The following COL4A5 variants were observed in gnomAD, a reference collection of about 807,000 sequenced individuals.
COL4A5 encodes the protein collagen type IV alpha 5 chain, also known as collagen alpha-5(IV) chain.
In COL4A5, 26 loss-of-function variants were observed where a neutral mutation model predicts 130.2. The observed-to-expected ratio is 0.20, with a 90% CI of 0.15 to 0.28. The LOEUF (loss-of-function observed/expected upper bound fraction) is 0.28. COL4A5 is among the 10% of genes least tolerant of loss of function. The probability of loss-of-function intolerance (pLI) is 1.00; values close to 1 mark genes in which losing one functional copy is unlikely to be tolerated. For missense variants in COL4A5, 1,131 were observed against 1,344.3 expected, an observed-to-expected ratio of 0.84 and a Z score of 2.48; for synonymous variants, 496 against 439.6, an observed-to-expected ratio of 1.13 and a Z score of -1.60.
intron 19 of COL4A5, among the ~76,000 whole-genome samples, chrX:108,587,453 C>A (rs1375677961): frequency 9.0e-6 from 1 of 111,650 alleles, no homozygotes. Context: ...GATAGAACTC[C>A]GTTCTTTTAT....
At chrX:108,594,803 T>G (rs2066488091) in intron 21 of COL4A5, among the ~76,000 whole-genome samples, 1 of 110,286 alleles carries the variant, frequency 9.1e-6, no homozygotes, top group Admixed American at 9.8e-5. Context: ...ATACCACTTA[T>G]GTAGTTCTAT....
intron 2 of COL4A5, among the ~76,000 whole-genome samples, chrX:108,552,546 A>C (rs903320200): frequency 8.9e-6 from 1 of 112,374 alleles, no homozygotes; most frequent in Non-Finnish European, 1.9e-5. Flanking sequence ...AAATAACAAC[A>C]AAAATTTGAG....
At chrX:108,587,832 T>G (rs1331818173) in intron 19 of COL4A5, among the ~76,000 whole-genome samples, 1 of 111,246 alleles carries the variant, frequency 9.0e-6, no homozygotes, top group Admixed American at 9.6e-5. Context: ...TATATTTTAT[T>G]ATTAATAAAT....
chrX:108,593,655 T>C (rs769173215), intron 21 of COL4A5, among the ~76,000 whole-genome samples: 1 of 111,639 alleles, frequency 9.0e-6, no homozygotes, highest in Non-Finnish European at 1.9e-5. Flanking sequence ...CTCAGTACTA[T>C]AGAACAAAAG....
chrX:108,579,220 G>A (rs2066204771), intron 13 of COL4A5, among the ~76,000 whole-genome samples: 1 of 111,319 alleles, frequency 9.0e-6, no homozygotes, highest in African/African-American at 3.3e-5. Flanking sequence ...CTACTTCTTG[G>A]CTCTGTAAAT....
intron 36 of COL4A5, among the ~76,000 whole-genome samples, chrX:108,636,228 C>A (rs961793731): frequency 1.8e-5 from 2 of 111,819 alleles, no homozygotes; most frequent in Admixed American, 1.9e-4. Flanking sequence ...TTAACTCCAA[C>A]TGGATTACTG....
chrX:108,451,301 A>T (rs2064509413), intron 1 of COL4A5, among the ~76,000 whole-genome samples: 1 of 110,294 alleles, frequency 9.1e-6, no homozygotes, highest in African/African-American at 3.3e-5. Context: ...GCTGCAATAA[A>T]CATACGTGTG....
intron 2 of COL4A5, among the ~76,000 whole-genome samples, chrX:108,540,225 A>G (rs1035881775): frequency 9.0e-6 from 1 of 111,037 alleles, no homozygotes; most frequent in African/African-American, 3.3e-5. Context: ...ACCTTTGGGT[A>G]AGTGTTGGGG....
Position 108,573,599 on chromosome X carries a change from C to T in COL4A5, c.491C>T (p.Ser164Leu). 1 of 1,203,786 alleles carries T rather than the reference C, an allele frequency of 8.3e-7. No individual in the cohort carries two copies. Among genetic ancestry groups the T allele is most frequent in the Non-Finnish European group, 1.1e-6 (1 of 888,394 alleles). Residue 164 changes from serine (S) to leucine (L), a missense_variant, in exon 9 of 53, where the codon TCA becomes TTA. Coordinates refer to ENST00000328300, the MANE Select transcript of COL4A5 (RefSeq NM_033380.3). ...MKGEPGSIIM[S>L]SLPGPKGNPG... ...GGTGAACCAGGTAGTATAATTATGT[C>T]ATCACTGCCAGGACCAAAGGGTAAT... is the stretch of plus-strand genomic sequence containing the variant.
At chrX:108,681,061 C>A in intron 46 of COL4A5, 105 bp downstream of exon 46, 1 of 674,609 alleles carries the variant, frequency 1.5e-6, no homozygotes, top group Non-Finnish European at 2.3e-6. Context: ...GCTAAGTCCC[C>A]AACAACTGAG....
intron 22 of COL4A5, 50 bp downstream of exon 22, chrX:108,595,651 G>T: frequency 9.5e-7 from 1 of 1,047,346 alleles, no homozygotes; most frequent in Non-Finnish European, 1.3e-6. Flanking sequence ...GCTAGATTTT[G>T]TTGAGCTTAT....
At chrX:108,677,475 T>C (rs1199067203) in intron 43 of COL4A5, 25 bp from the exon 44 acceptor site, 1 of 1,201,864 alleles carries the variant, frequency 8.3e-7, no homozygotes, top group South Asian at 1.8e-5. Context: ...TACTGAAATG[T>C]CGTCATTTGC....
At chrX:108,509,536 G>A (rs1385579315) in intron 1 of COL4A5, among the ~76,000 whole-genome samples, 2 of 111,562 alleles carry the variant, frequency 1.8e-5, no homozygotes, top group Non-Finnish European at 3.8e-5. Flanking sequence ...CAAAACATGC[G>A]GCCAACACAC....
intron 36 of COL4A5, among the ~76,000 whole-genome samples, chrX:108,645,787 G>A (rs1212642719): frequency 2.1e-5 from 2 of 97,343 alleles, no homozygotes; most frequent in Non-Finnish European, 4.0e-5. Context: ...GTGTCCATGT[G>A]TTCTCACTGT....
intron 40 of COL4A5, 27 bp from the exon 41 acceptor site, chrX:108,668,292 T>C (rs375193635): frequency 8.5e-7 from 1 of 1,180,272 alleles, no homozygotes; most frequent in Non-Finnish European, 1.2e-6. Flanking sequence ...GTATTATTTA[T>C]CTTCTAATTA....
intron 1 of COL4A5, among the ~76,000 whole-genome samples, chrX:108,537,381 T>A (rs1428124418): frequency 2.7e-5 from 3 of 111,980 alleles, no homozygotes; most frequent in African/African-American, 9.7e-5. Context: ...TAATCTGTGC[T>A]CTCTCTAAAG....
rs2064367662 is a variant in COL4A5 at position 108,439,958 on chromosome X, C to CA, written c.-168_-167insA. On this transcript the variant is annotated 5_prime_UTR_variant, in exon 1 of 53. Transcript: ENST00000328300. ...GGAAGAGTAGCTCCTTCTTCTTCTTCTTTTTTTTTTCTTCCACTCTTAAAA... is the reference window on the plus strand; with the variant it reads ...GGAAGAGTAGCTCCTTCTTCTTCTTCATTTTTTTTTTCTTCCACTCTTAAAA... The CA allele has an allele frequency of 2.5e-5, 10 of 392,793 alleles. No individual in the cohort carries two copies. Among genetic ancestry groups the CA allele is most frequent in the Middle Eastern group, 6.9e-4 (1 of 1,458 alleles). The allele number at this position is 392,793 out of a possible 1,213,427, so 32.4% of individuals were successfully genotyped here.
chrX:108,537,917 T>C (rs1054478630), intron 1 of COL4A5, among the ~76,000 whole-genome samples: 1 of 112,083 alleles, frequency 8.9e-6, no homozygotes, highest in African/African-American at 3.2e-5. Flanking sequence ...TGAAACGGTA[T>C]CTTCTAAATT....
At chrX:108,591,287 A>G (rs1330891133) in intron 20 of COL4A5, 56 bp downstream of exon 20, 3 of 1,085,872 alleles carry the variant, frequency 2.8e-6, no homozygotes, top group Non-Finnish European at 3.8e-6. Context: ...TATTTTGTTT[A>G]TAAGTAACTC....
Sources: gnomAD v4.1 joint callset for allele counts (sites outside exome capture counted in the v4.1 genomes callset) on GRCh38, gnomAD v4.1.1 for gene constraint, MANE v1.5 for transcripts, NCBI Gene and HGNC (gene_info 2026-07-23, HGNC 2026-07-21) for gene names.